ERMP1: variants seen among roughly 807,000 people sequenced by gnomAD.
The protein encoded by ERMP1 is Felix-ina.
Under a neutral mutation model 92.0 loss-of-function variants are expected in ERMP1, and 86 were observed. The observed-to-expected ratio is 0.93, with a 90% CI of 0.79 to 1.12. The LOEUF (loss-of-function observed/expected upper bound fraction) is 1.12. Ranked by LOEUF, ERMP1 falls within the 50% of genes most tolerant of loss-of-function variation. The pLI, the probability that ERMP1 is intolerant of heterozygous loss-of-function variation, is 0.00. For missense variants in ERMP1, 1,342 were observed against 1,116.3 expected (o/e 1.20, Z -2.88); for synonymous variants, 530 against 412.8 (o/e 1.28, Z -3.44).
chr9:5,812,814 A>T (rs964311919), intron 5 of ERMP1, 75 bp downstream of exon 5: 6 of 1,505,488 alleles, frequency 4.0e-6, no homozygotes, highest in Non-Finnish European at 4.6e-6. Flanking sequence ...CTGTTTACTC[A>T]CATACTTTCA....
chr9:5,833,898 T>C (rs533921590), upstream of ERMP1, among the ~76,000 whole-genome samples: 10 of 152,310 alleles, frequency 6.6e-5, no homozygotes, highest in South Asian at 2.1e-3. Flanking sequence ...TCAGTGCAGA[T>C]CCTAGTGATT....
chr9:5,809,260 T>C (rs1828996606), intron 8 of ERMP1, among the ~76,000 whole-genome samples: 1 of 151,240 alleles, frequency 6.6e-6, no homozygotes, highest in Non-Finnish European at 1.5e-5. Flanking sequence ...GACCTTGTGA[T>C]CCGCCCACCT....
chr9:5,815,388 T>G (rs77665144), intron 4 of ERMP1, among the ~76,000 whole-genome samples: 3 of 151,882 alleles, frequency 2.0e-5, no homozygotes, highest in South Asian at 2.1e-4. Flanking sequence ...AGGCACTGAT[T>G]TGAAATAGAC....
At chr9:5,792,194 C>CCT (rs1828226539) in intron 13 of ERMP1, among the ~76,000 whole-genome samples, 1 of 152,252 alleles carries the variant, frequency 6.6e-6, no homozygotes, top group African/African-American at 2.4e-5. Context: ...CTACCGAAGA[C>CCT]CTAACATGCT....
chr9:5,811,900 C>T (rs977403932), intron 6 of ERMP1, among the ~76,000 whole-genome samples: 2 of 152,144 alleles, frequency 1.3e-5, no homozygotes, highest in South Asian at 4.1e-4. Context: ...CAACCCTGGG[C>T]CAACTCCTTT....
rs970882139 is a variant in ERMP1 at position 5,823,726 on chromosome 9, C to T, written c.874+170G>A. On this transcript the variant is annotated intron_variant, in intron 4 of 14. Coordinates refer to ENST00000339450, the MANE Select transcript of ERMP1 (RefSeq NM_024896.3). Reference sequence around the variant, plus strand: ...AGCACTATACAAGTGTTAGATGCTGCATTATTTGGTTCAAAATTTTTAACA... The same window carrying T: ...AGCACTATACAAGTGTTAGATGCTGTATTATTTGGTTCAAAATTTTTAACA... Among the ~76,000 whole-genome samples the T allele has an allele frequency of 3.3e-5, 5 of 150,118 alleles. No homozygotes were observed. In the South Asian group the frequency reaches 1.0e-3, roughly 31 times the overall value.
intron 6 of ERMP1, among the ~76,000 whole-genome samples, chr9:5,850,147 T>C (rs917273800): frequency 6.6e-6 from 1 of 152,100 alleles, no homozygotes; most frequent in Non-Finnish European, 1.5e-5. Context: ...AGTGTGACTC[T>C]GTGGATCATC....
chr9:5,839,029 C>A (rs893120785), intron 6 of ERMP1, among the ~76,000 whole-genome samples: 5 of 152,142 alleles, frequency 3.3e-5, no homozygotes, highest in Non-Finnish European at 5.9e-5. Flanking sequence ...AGGCACTTGT[C>A]TGTAGATCAC....
rs144325096 is a variant in ERMP1, at chr9:5,848,235, C to G, written n.3199+11233G>C. 5.9e-3 allele frequency among the ~76,000 whole-genome samples: 895 copies of G among 152,186 alleles called. 3 individuals carry two copies. The highest frequency in any genetic ancestry group is 0.014 in the Middle Eastern group (4 of 294). ...GATTATCCCAGTTATCTGGGTGGGCCTGATGTAAACACATGGATCTTTATG... is the reference window on the plus strand; with the variant it reads ...GATTATCCCAGTTATCTGGGTGGGCGTGATGTAAACACATGGATCTTTATG... On this transcript the variant is annotated intron_variant and non_coding_transcript_variant, in intron 6 of 6. Coordinates refer to the ERMP1 transcript ENST00000690753.
At chr9:5,798,505 C>T (rs930706022) in intron 12 of ERMP1, among the ~76,000 whole-genome samples, 1 of 152,126 alleles carries the variant, frequency 6.6e-6, no homozygotes, top group Non-Finnish European at 1.5e-5. Flanking sequence ...CATGAGCCAC[C>T]GTGCCCGGCC....
At chr9:5,863,812 ATTCTAT>A (rs1235185279) in intron 5 of ERMP1, among the ~76,000 whole-genome samples, 1 of 152,222 alleles carries the variant, frequency 6.6e-6, no homozygotes, top group African/African-American at 2.4e-5. Flanking sequence ...AAATGGGAAC[ATTCTAT>A]TTTATAACTG....
chr9:5,801,349 A>G, intron 10 of ERMP1, 21 bp from the exon 11 acceptor site: 1 of 1,599,910 alleles, frequency 6.3e-7, no homozygotes, highest in Non-Finnish European at 8.5e-7. Context: ...AACCACAAAC[A>G]CAGAAATATT....
At chr9:5,796,311 C>A (rs1470895423) in intron 13 of ERMP1, among the ~76,000 whole-genome samples, 1 of 152,172 alleles carries the variant, frequency 6.6e-6, no homozygotes, top group Non-Finnish European at 1.5e-5. Flanking sequence ...TATATAATTA[C>A]AGTGATCATG....
chr9:5,797,045 T>G (rs1038105016), intron 13 of ERMP1, among the ~76,000 whole-genome samples: 4 of 142,478 alleles, frequency 2.8e-5, no homozygotes, highest in African/African-American at 9.9e-5. Context: ...AAAATAAAAA[T>G]AATTTTTATT....
upstream of ERMP1, among the ~76,000 whole-genome samples, chr9:5,833,965 T>C (rs990118288): frequency 6.6e-6 from 1 of 152,248 alleles, no homozygotes; most frequent in Non-Finnish European, 1.5e-5. Flanking sequence ...CAAGGTTTTT[T>C]GTCCCTAGCT....
intron 10 of ERMP1, among the ~76,000 whole-genome samples, chr9:5,803,921 A>G (rs1173642440): frequency 1.3e-5 from 2 of 152,198 alleles, no homozygotes; most frequent in African/African-American, 2.4e-5. Context: ...AATAATATGC[A>G]TAAGAATTAC....
intron 5 of ERMP1, among the ~76,000 whole-genome samples, chr9:5,864,136 T>C (rs747703776): frequency 6.6e-6 from 1 of 152,230 alleles, no homozygotes; most frequent in East Asian, 1.9e-4. Flanking sequence ...AATTTGACTG[T>C]TGGAAATTGG....
In ERMP1 at chr9:5,831,036, T is replaced by C. The variant is rs1563773385; in HGVS notation, c.339-8A>G. ...ATGTGTTCAAGATAATCCCTGGAAG[T>C]AACCAAAAGAATAACAAAGGTTTGT... On this transcript the variant is annotated splice_polypyrimidine_tract_variant and splice_region_variant and intron_variant, in intron 1 of 14. Coordinates refer to ENST00000339450, the MANE Select transcript of ERMP1 (RefSeq NM_024896.3). 6.3e-7 allele frequency: 1 copy of C among 1,597,906 alleles called. No individual in the cohort carries two copies. Among genetic ancestry groups the C allele is most frequent in the Non-Finnish European group, 8.5e-7 (1 of 1,169,936 alleles).
chr9:5,854,810 A>G (rs993971857), intron 6 of ERMP1, among the ~76,000 whole-genome samples: 1 of 152,160 alleles, frequency 6.6e-6, no homozygotes, highest in African/African-American at 2.4e-5. Flanking sequence ...TACAGGTGTG[A>G]GCCACCACAC....
Sources: gnomAD v4.1 joint callset for allele counts (sites outside exome capture counted in the v4.1 genomes callset) on GRCh38, gnomAD v4.1.1 for gene constraint, MANE v1.5 for transcripts, NCBI Gene and HGNC (gene_info 2026-07-23, HGNC 2026-07-21) for gene names.